The following PTPRD variants were observed in gnomAD, a reference collection of about 807,000 sequenced individuals.
PTPRD encodes protein tyrosine phosphatase receptor type D.
PTPRD carries 34 observed loss-of-function variants against 214.5 expected under a neutral mutation model. The ratio of observed to expected loss-of-function variants is 0.16; its 90% CI spans 0.12 to 0.21. PTPRD has a LOEUF of 0.21. Ranked by LOEUF, PTPRD falls within the 10% of genes least tolerant of loss-of-function variation. The probability of loss-of-function intolerance (pLI) is 1.00; values close to 1 mark genes in which losing one functional copy is unlikely to be tolerated. For missense variants in PTPRD, 2,545 were observed against 2,398.7 expected (o/e 1.06, Z -1.27); for synonymous variants, 1,128 against 845.7 (o/e 1.33, Z -5.79).
chr9:9,935,263 T>A (rs958616862), intron 5 of PTPRD, among the ~76,000 whole-genome samples: 1 of 151,956 alleles, frequency 6.6e-6, no homozygotes, highest in African/African-American at 2.4e-5. Context: ...GGTATTCAAT[T>A]AGGAAAAGAG....
intron 7 of PTPRD, among the ~76,000 whole-genome samples, chr9:9,675,693 T>C (rs898504340): frequency 2.6e-5 from 4 of 151,964 alleles, no homozygotes; most frequent in African/African-American, 4.8e-5. Context: ...AAATCTGAAA[T>C]GCACTGTAAA....
chr9:9,107,371 T>C (rs1252911079), intron 10 of PTPRD, among the ~76,000 whole-genome samples: 1 of 152,196 alleles, frequency 6.6e-6, no homozygotes, highest in Non-Finnish European at 1.5e-5. Context: ...GCATGCTTGA[T>C]TGCCAATAAG....
chr9:10,471,471 T>C (rs1261991293), intron 2 of PTPRD, among the ~76,000 whole-genome samples: 1 of 152,112 alleles, frequency 6.6e-6, no homozygotes, highest in Non-Finnish European at 1.5e-5. Flanking sequence ...AGAGTACTAG[T>C]TGTAGTTTAA....
chr9:10,553,350 T>A (rs886477823), intron 2 of PTPRD, among the ~76,000 whole-genome samples: 15 of 151,978 alleles, frequency 9.9e-5, no homozygotes, highest in African/African-American at 3.4e-4. Context: ...ATCTTTATTT[T>A]TTTTTTTTTT....
chr9:10,575,554 T>C (rs2068976448), intron 2 of PTPRD, among the ~76,000 whole-genome samples: 1 of 152,118 alleles, frequency 6.6e-6, no homozygotes, highest in Non-Finnish European at 1.5e-5. Context: ...TTTAAATCAG[T>C]CTTGTAAAGT....
intron 3 of PTPRD, among the ~76,000 whole-genome samples, chr9:10,174,585 A>AT (rs147404116): frequency 0.033 from 5,038 of 151,594 alleles, 281 homozygotes; most frequent in African/African-American, 0.12. Flanking sequence ...TCAACGAAAG[A>AT]TTTTTTTTTC....
intron 14 of PTPRD, among the ~76,000 whole-genome samples, chr9:8,603,771 T>A: frequency 6.6e-6 from 1 of 152,308 alleles, no homozygotes; most frequent in East Asian, 1.9e-4. Context: ...TAGAAATATT[T>A]TCAGGACTTT....
At chr9:9,675,946 CAAT>C (rs1281003952) in intron 7 of PTPRD, among the ~76,000 whole-genome samples, 1 of 151,978 alleles carries the variant, frequency 6.6e-6, no homozygotes, top group Non-Finnish European at 1.5e-5. Flanking sequence ...CTATACCCAA[CAAT>C]GTTTCAAAAA....
At chr9:9,087,708 G>A (rs1395454106) in intron 10 of PTPRD, among the ~76,000 whole-genome samples, 1 of 152,026 alleles carries the variant, frequency 6.6e-6, no homozygotes, top group African/African-American at 2.4e-5. Flanking sequence ...CAAGGCTCAG[G>A]GAGCTTGTAG....
intron 9 of PTPRD, among the ~76,000 whole-genome samples, chr9:9,256,137 A>G (rs753208897): frequency 4.1e-4 from 63 of 152,052 alleles, no homozygotes; most frequent in Admixed American, 7.2e-4. Context: ...CAACTTGTAT[A>G]GAGTGGCCTT....
intron 8 of PTPRD, among the ~76,000 whole-genome samples, chr9:9,518,629 G>A (rs1277674826): frequency 6.6e-6 from 1 of 151,982 alleles, no homozygotes; most frequent in African/African-American, 2.4e-5. Context: ...CCTGGGACCC[G>A]AAAGGGCATT....
chr9:9,114,395 A>G (rs904689167), intron 10 of PTPRD, among the ~76,000 whole-genome samples: 2 of 152,182 alleles, frequency 1.3e-5, no homozygotes, highest in Non-Finnish European at 2.9e-5. Context: ...TTACACTCGG[A>G]AAATCCTATT....
intron 6 of PTPRD, among the ~76,000 whole-genome samples, chr9:9,758,370 C>A (rs975946428): frequency 6.6e-5 from 10 of 152,122 alleles, no homozygotes; most frequent in African/African-American, 2.4e-4. Context: ...GTGAAGACTG[C>A]TATATGCCCA....
At chr9:9,750,669 C>T (rs2098508458) in intron 6 of PTPRD, among the ~76,000 whole-genome samples, 2 of 152,076 alleles carry the variant, frequency 1.3e-5, no homozygotes, top group African/African-American at 2.4e-5. Context: ...GCAGCTTACC[C>T]TTTAACAAAA....
At chr9:10,251,146 A>T (rs192074819) in intron 3 of PTPRD, among the ~76,000 whole-genome samples, 1 of 152,252 alleles carries the variant, frequency 6.6e-6, no homozygotes, top group South Asian at 2.1e-4. Context: ...CTATTAATTA[A>T]ATAACATGTT....
intron 2 of PTPRD, among the ~76,000 whole-genome samples, chr9:10,384,576 C>A (rs1321528500): frequency 6.6e-6 from 1 of 151,436 alleles, no homozygotes; most frequent in Admixed American, 6.6e-5. Context: ...TAGCCCCAAT[C>A]CTAGTCAACA....
At chr9:9,607,947 G>C (rs961728398) in intron 7 of PTPRD, among the ~76,000 whole-genome samples, 1 of 152,082 alleles carries the variant, frequency 6.6e-6, no homozygotes, top group Non-Finnish European at 1.5e-5. Context: ...TTCGGATAAA[G>C]GGCAGCTTGG....
At chr9:9,806,382 G>A (rs1378769806) in intron 5 of PTPRD, among the ~76,000 whole-genome samples, 1 of 151,994 alleles carries the variant, frequency 6.6e-6, no homozygotes, top group African/African-American at 2.4e-5. Context: ...ACATTCCCCC[G>A]CCTTTCTGAT....
chr9:9,369,539 A>C (rs957500279), intron 9 of PTPRD, among the ~76,000 whole-genome samples: 2 of 151,902 alleles, frequency 1.3e-5, no homozygotes, highest in Non-Finnish European at 2.9e-5. Context: ...GATTGCAAAC[A>C]TTTTCTCCCA....
Sources: allele counts gnomAD v4.1 joint callset (sites outside exome capture counted in the v4.1 genomes callset), GRCh38; gene constraint gnomAD v4.1.1; transcripts MANE v1.5; gene names NCBI Gene and HGNC (gene_info 2026-07-23, HGNC 2026-07-21).